Variants in CTNNA3 observed in about 807,000 individuals in gnomAD.
CTNNA3 encodes the protein catenin alpha-3.
In CTNNA3, 76 loss-of-function variants were observed where a neutral mutation model predicts 95.7. That is an observed-to-expected ratio of 0.79 (90% CI 0.66 to 0.96). CTNNA3 has a LOEUF of 0.96. CTNNA3 is among the 40% of genes least tolerant of loss of function. The probability of loss-of-function intolerance (pLI) is 0.00; values close to 1 mark genes in which losing one functional copy is unlikely to be tolerated. For synonymous variants in CTNNA3, 431 were observed against 374.4 expected (o/e 1.15, Z -1.74); for missense variants, 1,191 against 1,089.8 (o/e 1.09, Z -1.31).
At chr10:66,616,515 G>A (rs1332624365) in intron 10 of CTNNA3, among the ~76,000 whole-genome samples, 1 of 151,940 alleles carries the variant, frequency 6.6e-6, no homozygotes, top group Non-Finnish European at 1.5e-5. Context: ...GCTTTTCTGA[G>A]GTGTTCATAT....
chr10:67,474,723 A>C (rs1847940099), intron 5 of CTNNA3, among the ~76,000 whole-genome samples: 1 of 152,202 alleles, frequency 6.6e-6, no homozygotes, highest in African/African-American at 2.4e-5. Context: ...GATACCACTA[A>C]ATTCTTGTAA....
At chr10:66,849,103 C>T (rs1359202197) in intron 7 of CTNNA3, among the ~76,000 whole-genome samples, 4 of 152,144 alleles carry the variant, frequency 2.6e-5, no homozygotes, top group Admixed American at 2.6e-4. Context: ...TACACATTTA[C>T]ATACCTTCAA....
At chr10:67,457,365 G>A (rs1847213711) in intron 5 of CTNNA3, among the ~76,000 whole-genome samples, 1 of 152,162 alleles carries the variant, frequency 6.6e-6, no homozygotes, top group African/African-American at 2.4e-5. Context: ...AGGATTCCAA[G>A]TAACAGTGGA....
intron 13 of CTNNA3, among the ~76,000 whole-genome samples, chr10:66,155,448 T>C (rs561877328): frequency 3.3e-5 from 5 of 152,008 alleles, no homozygotes; most frequent in African/African-American, 1.2e-4. Flanking sequence ...GTGGCACCAT[T>C]CTATAAAAGT....
chr10:66,621,821 A>G, intron 9 of CTNNA3, 37 bp from the exon 10 acceptor site: 1 of 1,353,498 alleles, frequency 7.4e-7, no homozygotes, highest in Non-Finnish European at 1.0e-6. Flanking sequence ...ATTATTTTAG[A>G]TTAGCAAGGA....
At chr10:65,931,537 T>A (rs1277498228) in intron 17 of CTNNA3, among the ~76,000 whole-genome samples, 1 of 143,266 alleles carries the variant, frequency 7.0e-6, no homozygotes, top group Non-Finnish European at 1.5e-5. Context: ...ATGTGAGGCA[T>A]AGAATATGTC....
intron 15 of CTNNA3, among the ~76,000 whole-genome samples, chr10:65,996,393 C>A (rs1266829992): frequency 1.3e-5 from 2 of 152,138 alleles, no homozygotes; most frequent in Non-Finnish European, 2.9e-5. Flanking sequence ...GCTGAGGACC[C>A]TGCTGTTCTG....
chr10:65,922,421 C>G (rs1270320002), intron 17 of CTNNA3, among the ~76,000 whole-genome samples: 1 of 152,098 alleles, frequency 6.6e-6, no homozygotes, highest in African/African-American at 2.4e-5. Flanking sequence ...TAGAAGTACT[C>G]AGTCACCCTT....
chr10:66,426,772 C>T (rs1374477259), intron 11 of CTNNA3, among the ~76,000 whole-genome samples: 1 of 151,470 alleles, frequency 6.6e-6, no homozygotes, highest in Non-Finnish European at 1.5e-5. Context: ...GATCATCCCA[C>T]TCTTCAATTC....
chr10:65,988,843 T>C, intron 15 of CTNNA3, 46 bp from the exon 16 acceptor site: 1 of 1,360,344 alleles, frequency 7.4e-7, no homozygotes, highest in Non-Finnish European at 1.0e-6. Context: ...CATGAGAAAA[T>C]ATATGTTAGC....
chr10:67,673,018 T>C (rs1419356203), intron 1 of CTNNA3, among the ~76,000 whole-genome samples: 3 of 151,552 alleles, frequency 2.0e-5, no homozygotes, highest in African/African-American at 7.2e-5. Context: ...CATTTGTTTG[T>C]GTCCTCTTTT....
chr10:66,400,209 T>A (rs1270262317), intron 11 of CTNNA3, among the ~76,000 whole-genome samples: 1 of 151,870 alleles, frequency 6.6e-6, no homozygotes, highest in Non-Finnish European at 1.5e-5. Flanking sequence ...AGAATACAAA[T>A]AAACCAACCA....
At chr10:65,984,760 T>C (rs201963700) in intron 16 of CTNNA3, among the ~76,000 whole-genome samples, 4 of 150,972 alleles carry the variant, frequency 2.6e-5, no homozygotes, top group Non-Finnish European at 5.9e-5. Flanking sequence ...CAGAAAAAAA[T>C]GGGAGGAAGC....
chr10:66,847,989 C>A (rs1272766690), intron 7 of CTNNA3, among the ~76,000 whole-genome samples: 1 of 151,976 alleles, frequency 6.6e-6, no homozygotes, highest in Non-Finnish European at 1.5e-5. Context: ...AAGGAGGCAA[C>A]ACAAGCTGAG....
At chr10:67,205,622 CAACA>C (rs1010956759) in intron 6 of CTNNA3, among the ~76,000 whole-genome samples, 1 of 152,212 alleles carries the variant, frequency 6.6e-6, no homozygotes, top group African/African-American at 2.4e-5. Context: ...AGTGTGGATT[CAACA>C]AACATTTATA....
intron 13 of CTNNA3, among the ~76,000 whole-genome samples, chr10:66,150,195 G>C (rs919716850): frequency 6.6e-6 from 1 of 152,166 alleles, no homozygotes; most frequent in Non-Finnish European, 1.5e-5. Context: ...GTCTGTTCTC[G>C]TGATAGTGAA....
At chr10:66,588,130 T>C (rs1051532432) in intron 10 of CTNNA3, among the ~76,000 whole-genome samples, 1 of 152,082 alleles carries the variant, frequency 6.6e-6, no homozygotes, top group African/African-American at 2.4e-5. Context: ...ATACCGCTTC[T>C]TCTCACCCCA....
chr10:66,883,314 G>A (rs1844916979), intron 7 of CTNNA3, among the ~76,000 whole-genome samples: 1 of 152,084 alleles, frequency 6.6e-6, no homozygotes, highest in South Asian at 2.1e-4. Context: ...GATCATGGAA[G>A]GACAGGCTGA....
intron 7 of CTNNA3, among the ~76,000 whole-genome samples, chr10:66,919,475 A>G (rs1416536772): frequency 2.6e-5 from 4 of 152,172 alleles, no homozygotes; most frequent in Admixed American, 2.6e-4. Context: ...ACAGTGAGGA[A>G]TGCAATAAAA....
Sources: allele counts gnomAD v4.1 joint callset (sites outside exome capture counted in the v4.1 genomes callset), GRCh38; gene constraint gnomAD v4.1.1; transcripts MANE v1.5; gene names NCBI Gene and HGNC (gene_info 2026-07-23, HGNC 2026-07-21).